Variants in DAB1 observed in about 807,000 individuals in gnomAD.
DAB1 encodes DAB adaptor protein 1.
DAB1 carries 15 observed loss-of-function variants against 64.6 expected under a neutral mutation model. The observed-to-expected ratio is 0.23, with a 90% CI of 0.16 to 0.36. The LOEUF (loss-of-function observed/expected upper bound fraction) is 0.36, where lower values mean the gene tolerates loss of function less well. Among genes scored for constraint, DAB1 ranks in the 10% least tolerant of loss-of-function variants. DAB1 has a pLI of 1.00. For synonymous variants in DAB1, 235 were observed against 251.9 expected (o/e 0.93, Z 0.64); for missense variants, 596 against 706.7 (o/e 0.84, Z 1.78).
intron 5 of DAB1, among the ~76,000 whole-genome samples, chr1:57,897,917 G>C (rs1644416329): frequency 6.6e-6 from 1 of 152,188 alleles, no homozygotes; most frequent in South Asian, 2.1e-4. Flanking sequence ...AAAGGAAAGA[G>C]AAGCATGTTG....
At chr1:58,023,075 C>G (rs1646837188) in intron 5 of DAB1, among the ~76,000 whole-genome samples, 1 of 152,154 alleles carries the variant, frequency 6.6e-6, no homozygotes, top group African/African-American at 2.4e-5. Flanking sequence ...AGATCCTTTC[C>G]CCAAGTGCCC....
chr1:57,009,754 G>A (rs1311930193), intron 14 of DAB1, among the ~76,000 whole-genome samples: 2 of 152,186 alleles, frequency 1.3e-5, no homozygotes, highest in African/African-American at 4.8e-5. Flanking sequence ...TCATGTCTGG[G>A]TAACAAGGTG....
At chr1:58,132,413 C>CG (rs1209595736) in intron 5 of DAB1, among the ~76,000 whole-genome samples, 1 of 152,186 alleles carries the variant, frequency 6.6e-6, no homozygotes, top group African/African-American at 2.4e-5. Flanking sequence ...AGAAATCACC[C>CG]GTCTTCTGCG....
chr1:58,086,720 C>A (rs1006431452), intron 5 of DAB1, among the ~76,000 whole-genome samples: 11 of 151,910 alleles, frequency 7.2e-5, no homozygotes, highest in Admixed American at 1.3e-4. Flanking sequence ...CTGAACATGG[C>A]AGGCATGAAT....
chr1:58,315,019 A>C (rs1165965060), intron 4 of DAB1, among the ~76,000 whole-genome samples: 1 of 152,232 alleles, frequency 6.6e-6, no homozygotes, highest in Admixed American at 6.5e-5. Flanking sequence ...CCATGCTCTA[A>C]AATAGTGCTG....
intron 1 of DAB1, among the ~76,000 whole-genome samples, chr1:57,376,931 G>A (rs1245166052): frequency 6.6e-6 from 1 of 152,168 alleles, no homozygotes; most frequent in Non-Finnish European, 1.5e-5. Context: ...AAGTCCACTT[G>A]AAAGATATGA....
At chr1:57,752,281 G>T (rs1648593201) in intron 6 of DAB1, among the ~76,000 whole-genome samples, 3 of 152,148 alleles carry the variant, frequency 2.0e-5, no homozygotes, top group Admixed American at 1.3e-4. Flanking sequence ...CAAGGGGTTT[G>T]ATTTTCTCTA....
chr1:57,747,329 C>G (rs978196171), intron 6 of DAB1, among the ~76,000 whole-genome samples: 2 of 152,166 alleles, frequency 1.3e-5, no homozygotes, highest in Admixed American at 1.3e-4. Flanking sequence ...TTATCCATAA[C>G]TTTCTTGCAT....
At chr1:57,696,696 T>G (rs995239824) in intron 6 of DAB1, among the ~76,000 whole-genome samples, 4 of 152,252 alleles carry the variant, frequency 2.6e-5, no homozygotes, top group African/African-American at 9.6e-5. Context: ...CTGTCCCCTA[T>G]GTACTCTACA....
chr1:58,101,734 T>C (rs929957421), intron 5 of DAB1, among the ~76,000 whole-genome samples: 10 of 152,212 alleles, frequency 6.6e-5, no homozygotes, highest in Admixed American at 6.5e-5. Context: ...TGGATATAGA[T>C]AGGTCAATTA....
intron 6 of DAB1, among the ~76,000 whole-genome samples, chr1:57,701,872 G>A (rs1646912430): frequency 6.6e-6 from 1 of 151,878 alleles, no homozygotes; most frequent in Non-Finnish European, 1.5e-5. Context: ...TCACCTCTTT[G>A]TTAAATTTCT....
At chr1:57,693,608 C>T (rs549228929) in intron 6 of DAB1, among the ~76,000 whole-genome samples, 20 of 152,328 alleles carry the variant, frequency 1.3e-4, no homozygotes, top group African/African-American at 3.8e-4. Context: ...TCTCCTTCCA[C>T]GCTGTGAAAG....
At chr1:57,296,983 G>A (rs989634286) in intron 1 of DAB1, among the ~76,000 whole-genome samples, 1 of 152,132 alleles carries the variant, frequency 6.6e-6, no homozygotes, top group African/African-American at 2.4e-5. Flanking sequence ...GGAGAAATTG[G>A]ACAAAACGTT....
At chr1:57,912,487 TACTG>T (rs1644661171) in intron 5 of DAB1, among the ~76,000 whole-genome samples, 1 of 152,180 alleles carries the variant, frequency 6.6e-6, no homozygotes, top group South Asian at 2.1e-4. Flanking sequence ...GCCAATATCA[TACTG>T]AATGGGCAAA....
rs569693747 is a variant in DAB1 at position 57,592,131 on chromosome 1, G to T, written n.625+57461C>A. On this transcript the variant is annotated intron_variant and non_coding_transcript_variant, in intron 7 of 20. Transcript: ENST00000485760. ...GCTCTTCCTGAGTGTTGGCACTTAA[G>T]GAGGCAGATAAGGGAAGATTTCCAA... Among the ~76,000 whole-genome samples, 202 of 152,278 alleles carry T rather than the reference G, an allele frequency of 1.3e-3. 1 individual carries two copies. The highest frequency in any genetic ancestry group is 4.5e-3 in the African/African-American group (186 of 41,564).
At chr1:57,678,353 C>A (rs562187542) in intron 6 of DAB1, among the ~76,000 whole-genome samples, 6 of 152,268 alleles carry the variant, frequency 3.9e-5, no homozygotes, top group African/African-American at 1.2e-4. Flanking sequence ...TTAGTGAATG[C>A]CTTTCAAGGG....
chr1:57,512,806 C>T (rs1014979426), intron 7 of DAB1, among the ~76,000 whole-genome samples: 6 of 152,118 alleles, frequency 3.9e-5, no homozygotes, highest in Non-Finnish European at 7.3e-5. Context: ...ATGAGATTCC[C>T]GGTTTAGGTT....
chr1:57,861,468 C>A (rs1234855366), intron 1 of DAB1, among the ~76,000 whole-genome samples: 1 of 152,076 alleles, frequency 6.6e-6, no homozygotes, highest in Non-Finnish European at 1.5e-5. Flanking sequence ...AATTACCTGG[C>A]AAAGGCCCTG....
intron 5 of DAB1, among the ~76,000 whole-genome samples, chr1:58,098,363 G>A (rs1651114938): frequency 6.6e-6 from 1 of 152,146 alleles, no homozygotes; most frequent in Non-Finnish European, 1.5e-5. Flanking sequence ...CAGTGGTTCT[G>A]GACCCTAGAG....
Sources: allele counts gnomAD v4.1 joint callset (sites outside exome capture counted in the v4.1 genomes callset), GRCh38; gene constraint gnomAD v4.1.1; transcripts MANE v1.5; gene names NCBI Gene and HGNC (gene_info 2026-07-23, HGNC 2026-07-21).